Variants in ZNF83 observed in about 807,000 individuals in gnomAD.
ZNF83 encodes the protein zinc finger protein 816B.
For synonymous variants in ZNF83, 209 were observed against 213.0 expected (o/e 0.98, Z 0.17); for missense variants, 552 against 629.9 (o/e 0.88, Z 1.32).
At chr19:52,631,433 C>T (rs560611358) in intron 2 of ZNF83, among the ~76,000 whole-genome samples, 4 of 152,110 alleles carry the variant, frequency 2.6e-5, no homozygotes, top group African/African-American at 9.7e-5. Flanking sequence ...CAGCTGCTGC[C>T]GCCCTAATAC....
At chr19:52,647,957 T>G (rs567418204) in intron 3 of ZNF83, among the ~76,000 whole-genome samples, 17 of 151,642 alleles carry the variant, frequency 1.1e-4, no homozygotes, top group South Asian at 6.3e-4. Flanking sequence ...TCCCTGCTGT[T>G]GTTCTTCCTC....
At chr19:52,686,199 A>G (rs1255984133) in intron 1 of ZNF83, among the ~76,000 whole-genome samples, 1 of 152,138 alleles carries the variant, frequency 6.6e-6, no homozygotes, top group Non-Finnish European at 1.5e-5. Flanking sequence ...AATAAATAAT[A>G]AAAACTAGAA....
intron 1 of ZNF83, among the ~76,000 whole-genome samples, chr19:52,679,543 G>A (rs2061872997): frequency 6.6e-6 from 1 of 152,132 alleles, no homozygotes; most frequent in Admixed American, 6.5e-5. Context: ...CCCAGAAGGT[G>A]GAGGTTGCAA....
At chr19:52,628,511 G>A (rs1046262384) in intron 2 of ZNF83, among the ~76,000 whole-genome samples, 1 of 152,104 alleles carries the variant, frequency 6.6e-6, no homozygotes, top group Non-Finnish European at 1.5e-5. Context: ...CAAAACTCGG[G>A]CGCCGGTCAC....
intron 1 of ZNF83, among the ~76,000 whole-genome samples, chr19:52,685,365 T>C (rs1344829237): frequency 6.6e-6 from 1 of 152,054 alleles, no homozygotes; most frequent in African/African-American, 2.4e-5. Context: ...ACGGGAAGGG[T>C]TGGTCTTTAT....
chr19:52,650,468 G>C (rs2061428902), intron 3 of ZNF83: 1 of 152,104 alleles, frequency 6.6e-6, no homozygotes, highest in Admixed American at 6.6e-5. Flanking sequence ...TGTGGGTCAG[G>C]CTGGTCTCGA....
intron 1 of ZNF83, among the ~76,000 whole-genome samples, chr19:52,670,680 C>T (rs985582025): frequency 5.3e-5 from 8 of 152,118 alleles, no homozygotes; most frequent in African/African-American, 1.9e-4. Flanking sequence ...GTCCTGAGAA[C>T]ATATGTCCAA....
exon 3 of ZNF83, chr19:52,655,644 T>G: frequency 7.2e-7 from 1 of 1,396,880 alleles, no homozygotes; most frequent in Admixed American, 1.7e-5. Flanking sequence ...TTTCCACTCC[T>G]CCAAAGAGAA....
At chr19:52,656,626 T>C (rs1199419176) in intron 2 of ZNF83, among the ~76,000 whole-genome samples, 3 of 152,090 alleles carry the variant, frequency 2.0e-5, no homozygotes, top group Admixed American at 6.5e-5. Context: ...CGAACACTTA[T>C]GGAGGCTGAG....
intron 3 of ZNF83, chr19:52,654,008 T>G: frequency 6.5e-7 from 1 of 1,530,566 alleles, no homozygotes; most frequent in South Asian, 1.1e-5. Flanking sequence ...CTACAAGAAA[T>G]TCTTTGGGAT....
At chr19:52,646,410 T>C (rs1438175850) in intron 3 of ZNF83, among the ~76,000 whole-genome samples, 2 of 152,166 alleles carry the variant, frequency 1.3e-5, no homozygotes, top group East Asian at 3.9e-4. Flanking sequence ...CTAGCTGGGA[T>C]TGGTGGCTCA....
chr19:52,619,078 A>G, intron 2 of ZNF83: 1 of 1,612,320 alleles, frequency 6.2e-7, no homozygotes, highest in South Asian at 1.1e-5. Context: ...ATGAAAACAC[A>G]TTTTAACCAA....
exon 3 of ZNF83, chr19:52,612,976 C>T: frequency 4.0e-6 from 6 of 1,505,996 alleles, no homozygotes; most frequent in Non-Finnish European, 5.4e-6. Context: ...TATTGTATGT[C>T]TTACAAGGCT....
chr19:52,655,587 T>C, exon 3 of ZNF83: 1 of 1,503,638 alleles, frequency 6.7e-7, no homozygotes, highest in Admixed American at 1.7e-5. Context: ...CCTGTAGTTC[T>C]CCAACATCAC....
chr19:52,659,337 GC>G (rs1260449754), intron 2 of ZNF83, among the ~76,000 whole-genome samples: 2 of 152,090 alleles, frequency 1.3e-5, no homozygotes, highest in Non-Finnish European at 2.9e-5. Flanking sequence ...AGTCATTGGT[GC>G]CCACTCGAGG....
chr19:52,683,385 C>T (rs918205351), intron 1 of ZNF83, among the ~76,000 whole-genome samples: 2 of 152,146 alleles, frequency 1.3e-5, no homozygotes, highest in Non-Finnish European at 2.9e-5. Flanking sequence ...GTGCTGTTTG[C>T]ACTCTGATTC....
chr19:52,621,875 A>C (rs1568536689), intron 2 of ZNF83, among the ~76,000 whole-genome samples: 1 of 152,186 alleles, frequency 6.6e-6, no homozygotes, highest in Non-Finnish European at 1.5e-5. Context: ...AAATGGTCTG[A>C]GGTGCCTTAT....
chr19:52,682,264 T>G (rs1030758332), intron 1 of ZNF83, among the ~76,000 whole-genome samples: 28 of 152,300 alleles, frequency 1.8e-4, no homozygotes, highest in African/African-American at 6.7e-4. Context: ...AACCATGGAC[T>G]TATCCATCCA....
At chr19:52,681,772 A>G (rs2061925702) in intron 1 of ZNF83, among the ~76,000 whole-genome samples, 1 of 152,256 alleles carries the variant, frequency 6.6e-6, no homozygotes, top group Admixed American at 6.5e-5. Flanking sequence ...AATAGGTTCA[A>G]GGGTAAGAAC....
Sources: gnomAD v4.1 joint callset for allele counts (sites outside exome capture counted in the v4.1 genomes callset) on GRCh38, gnomAD v4.1.1 for gene constraint, MANE v1.5 for transcripts, NCBI Gene and HGNC (gene_info 2026-07-23, HGNC 2026-07-21) for gene names.